Variants in PLEKHG2 observed in about 807,000 individuals in gnomAD.
PLEKHG2 encodes the protein pleckstrin homology domain-containing family G member 2.
A neutral mutation model predicts 104.4 loss-of-function variants in PLEKHG2; 71 were observed. The ratio of observed to expected loss-of-function variants is 0.68; its 90% confidence interval spans 0.56 to 0.83. PLEKHG2 has a LOEUF of 0.83. Among genes scored for constraint, PLEKHG2 ranks in the 40% least tolerant of loss-of-function variants. PLEKHG2 has a pLI of 0.00. For missense variants in PLEKHG2, 1,730 were observed against 1,809.4 expected, an observed-to-expected ratio of 0.96 and a Z score of 0.80; for synonymous variants, 728 against 737.0, an observed-to-expected ratio of 0.99 and a Z score of 0.20.
chr19:39,424,158 G>T lies in PLEKHG2; in HGVS notation c.3025G>T (p.Gly1009Ter). Residue 1009 changes from glycine to a stop codon, truncating the protein, a stop_gained, in exon 19 of 19, where the codon GGA becomes TGA. Coordinates refer to ENST00000425673, the MANE Select transcript of PLEKHG2 (RefSeq NM_022835.3). LOFTEE classifies it low-confidence loss of function (END_TRUNC). Reference sequence around the variant, plus strand: ...ATCCACCGCCTTTTGTCCTGAGCAGGGACACTGTGCGGACATCCACGTTCC... The same window carrying T: ...ATCCACCGCCTTTTGTCCTGAGCAGTGACACTGTGCGGACATCCACGTTCC... ...APSTAFCPEQ[G>*]HCADIHVPTT... is the part of the protein sequence containing the mutation. 2 of 1,614,098 alleles carry T rather than the reference G, an allele frequency of 1.2e-6. No individual in the cohort carries two copies. The highest frequency in any genetic ancestry group is 1.7e-6 in the Non-Finnish European group (2 of 1,180,022).
chr19:39,416,260 C>G lies in PLEKHG2; in HGVS notation c.480-88C>G, dbSNP rs2078600880. 2.3e-6 allele frequency: 3 copies of G among 1,327,002 alleles called. No individual in the cohort carries two copies. The South Asian group carries it at 3.7e-5, about 16-fold the overall frequency. 82.2% of individuals were successfully genotyped at this position (1,327,002 alleles called of 1,614,324 possible). On this transcript the variant is annotated intron_variant, in intron 4 of 18. Transcript: ENST00000425673. The surrounding 1 kb of genome is among the most constrained non-coding windows in gnomAD (Gnocchi z 4.5). Reference sequence around the variant, plus strand: ...GCAGTCAGCAAGCCCCCAGCCCCAGCAGACCATTGGGGCCTCAGCCTCCTG... The same window carrying G: ...GCAGTCAGCAAGCCCCCAGCCCCAGGAGACCATTGGGGCCTCAGCCTCCTG...
At chr19:39,418,705 G>A (rs765245801) in intron 9 of PLEKHG2, 29 bp from the exon 10 acceptor site, 24 of 1,586,466 alleles carry the variant, frequency 1.5e-5, no homozygotes, top group African/African-American at 2.7e-5. Flanking sequence ...CAAGGACTCT[G>A]AGCTTGCTAC....
In PLEKHG2 at chr19:39,424,723, C is replaced by T. The variant is rs866732283; in HGVS notation, c.3590C>T (p.Ser1197Leu). Reference protein sequence around the residue: ...TDTQVQKLTPSLEQKSLIDAH... With the variant: ...TDTQVQKLTPLLEQKSLIDAH... ...ACACAGGTCCAAAAACTCACACCTT[C>T]GTTGGAGCAGAAGAGCCTCATAGAT... is the stretch of plus-strand genomic sequence containing the variant. The change falls in exon 19 of 19, where the codon TCG (serine) becomes TTG (leucine). Residue 1197 changes from serine to leucine, a missense_variant. Physicochemically the swap from Ser to Leu is moderately radical, Grantham distance 145. Coordinates refer to ENST00000425673, the MANE Select transcript of PLEKHG2 (RefSeq NM_022835.3). 3 of 1,614,096 alleles carry T rather than the reference C, an allele frequency of 1.9e-6. No homozygotes were observed. Among genetic ancestry groups the T allele is most frequent in the Non-Finnish European group, 2.5e-6 (3 of 1,180,044 alleles).
In PLEKHG2 at chr19:39,422,102, TC is replaced by T; in HGVS notation, c.1504-10del. 6.3e-7 allele frequency: 1 copy of T among 1,599,442 alleles called. No homozygotes were observed. The highest frequency in any genetic ancestry group is 1.7e-5 in the Admixed American group (1 of 57,482). ...TCTTGGCTCTTGCCTTCCATTGCTT[TC>T]CCTCCTCACAGCACGCTGGCAGCGA... On this transcript the variant is annotated splice_polypyrimidine_tract_variant and intron_variant, in intron 16 of 18. Coordinates refer to ENST00000425673, the MANE Select transcript of PLEKHG2 (RefSeq NM_022835.3).
Position 39,417,992 on chromosome 19 carries a change from G to GGAGGGGGTGGCCCCCGGCTAC in PLEKHG2, c.980_1000dup (p.Gly327_Gly333dup). 3.9e-6 allele frequency: 6 copies of GGAGGGGGTGGCCCCCGGCTAC among 1,556,010 alleles called. No homozygotes were observed. Among genetic ancestry groups the GGAGGGGGTGGCCCCCGGCTAC allele is most frequent in the Non-Finnish European group, 5.2e-6 (6 of 1,152,686 alleles). ...GTTGGAGGGCGCGTTCCGAGGAGGC[G>GGAGGGGGTGGCCCCCGGCTAC]GAGGGGGTGGCCCCCGGCTACGAGG... On this transcript the variant is annotated inframe_insertion, in exon 9 of 19. Coordinates refer to ENST00000425673, the MANE Select transcript of PLEKHG2 (RefSeq NM_022835.3).
chr19:39,415,322 C>A lies in PLEKHG2; in HGVS notation c.379-17C>A, dbSNP rs1403788099. 2 of 1,612,740 alleles carry A rather than the reference C, an allele frequency of 1.2e-6. No individual in the cohort carries two copies. Among genetic ancestry groups the A allele is most frequent in the Non-Finnish European group, 1.7e-6 (2 of 1,179,228 alleles). On this transcript the variant is annotated splice_polypyrimidine_tract_variant and intron_variant, in intron 3 of 18. Transcript: ENST00000425673. The surrounding 1 kb of genome is among the most constrained non-coding windows in gnomAD (Gnocchi z 4.6). ...AGGCCAGCCCCTTGGCCCCCATAAC[C>A]CCAGTCATCCCAACAGGACTACCTG...
At position 39,422,103 on chromosome 19, in the gene PLEKHG2, C is replaced by G. The variant is rs1568396673; in HGVS notation, c.1504-12C>G. On this transcript the variant is annotated splice_polypyrimidine_tract_variant and intron_variant, in intron 16 of 18. Coordinates refer to ENST00000425673, the MANE Select transcript of PLEKHG2 (RefSeq NM_022835.3). ...CTTGGCTCTTGCCTTCCATTGCTTT[C>G]CCTCCTCACAGCACGCTGGCAGCGA... 6.3e-7 allele frequency: 1 copy of G among 1,599,806 alleles called. No individual in the cohort carries two copies. Among genetic ancestry groups the G allele is most frequent in the Admixed American group, 1.7e-5 (1 of 57,654 alleles).
chr19:39,419,023 C>T lies in PLEKHG2; in HGVS notation c.1263+20C>T, dbSNP rs561050279. On this transcript the variant is annotated intron_variant, in intron 11 of 18. Coordinates refer to ENST00000425673, the MANE Select transcript of PLEKHG2 (RefSeq NM_022835.3). Reference sequence around the variant, plus strand: ...GCCAAGGTACAGCTCCTGCCGCAGCCGGGGGCCCTCTGAGTGCTGGAGACA... The same window carrying T: ...GCCAAGGTACAGCTCCTGCCGCAGCTGGGGGCCCTCTGAGTGCTGGAGACA... 1.3e-5 allele frequency: 21 copies of T among 1,595,932 alleles called. No homozygotes were observed. Among genetic ancestry groups the T allele is most frequent in the Admixed American group, 1.0e-4 (6 of 57,342 alleles).
At position 39,413,943 on chromosome 19, in the gene PLEKHG2, T is replaced by C. The variant is rs1437463732; in HGVS notation, c.-22-122T>C. The C allele has an allele frequency of 6.6e-6, 4 of 603,894 alleles. No individual in the cohort carries two copies. The highest frequency in any genetic ancestry group is 1.2e-5 in the Non-Finnish European group (4 of 344,666). 37.4% of individuals were successfully genotyped at this position (603,894 alleles called of 1,614,324 possible). Reference sequence around the variant, plus strand: ...TGTCACTTTGTGCCTCCCCCATTAGTTACTCCCAGGGGCCCCTCCCTGGAT... The same window carrying C: ...TGTCACTTTGTGCCTCCCCCATTAGCTACTCCCAGGGGCCCCTCCCTGGAT... On this transcript the variant is annotated intron_variant, in intron 1 of 18. Coordinates refer to ENST00000425673, the MANE Select transcript of PLEKHG2 (RefSeq NM_022835.3). This position sits in a 1 kb window ranked among gnomAD's most constrained non-coding sequence, Gnocchi z 4.5.
Position 39,424,306 on chromosome 19 carries a change from A to G in PLEKHG2, c.3173A>G (p.Gln1058Arg). 1.9e-6 allele frequency: 3 copies of G among 1,614,178 alleles called. No individual in the cohort carries two copies. The South Asian group carries it at 3.3e-5, about 18-fold the overall frequency. Residue 1058 changes from glutamine to arginine, a missense_variant, in exon 19 of 19, where the codon CAA becomes CGA. Transcript: ENST00000425673. ...CCAACCAATATCCCACTGACAAAGCAAGGAGGTTCCAGGGATGTTCAGGGC... is the reference window on the plus strand; with the variant it reads ...CCAACCAATATCCCACTGACAAAGCGAGGAGGTTCCAGGGATGTTCAGGGC... ...ESPTNIPLTK[Q>R]GGSRDVQGPD...
chr19:39,415,171 T>C lies in PLEKHG2; in HGVS notation c.289T>C (p.Ser97Pro), dbSNP rs1435560142. The C allele has an allele frequency of 5.6e-6, 9 of 1,596,516 alleles. No homozygotes were observed. The highest frequency in any genetic ancestry group is 7.7e-6 in the Non-Finnish European group (9 of 1,171,036). The change falls in exon 3 of 19, where the codon TCA becomes CCA. Residue 97 changes from serine (S) to proline (P), a missense_variant. By Grantham distance (74) the Ser-to-Pro change is moderately conservative. Coordinates refer to ENST00000425673, the MANE Select transcript of PLEKHG2 (RefSeq NM_022835.3). The surrounding 1 kb of genome is among the most constrained non-coding windows in gnomAD (Gnocchi z 4.6). ...TCTCTCTCCGGTGGGGATCCCAGGT[T>C]CAGCCAGACCCTCAAGGCTGGAGCG... ...LHLSPVGIPGSARPSRLERVA... is the reference protein window; with the variant it reads ...LHLSPVGIPGPARPSRLERVA...
rs763781158 is a variant in PLEKHG2 at position 39,423,986 on chromosome 19, C to A, written c.2853C>A (p.Ala951=). ...GTTCCCGGCATGTCCAGGCTCCAGC[C>A]GCCACACCTTTGCCCAAGCAAGAAG... ...QGGSRHVQAP[A]ATPLPKQEGP... Residue 951 remains alanine, a synonymous_variant, in exon 19 of 19, where the codon GCC becomes GCA. Transcript: ENST00000425673. 1 of 1,614,030 alleles carries A rather than the reference C, an allele frequency of 6.2e-7. No homozygotes were observed.
intron 8 of PLEKHG2, 70 bp downstream of exon 8, chr19:39,417,762 G>A (rs1012479062): frequency 2.6e-5 from 40 of 1,538,904 alleles, no homozygotes; most frequent in Middle Eastern, 4.6e-4. Flanking sequence ...CGGGTGGGGG[G>A]AAATCAGTGC....
chr19:39,413,417 G>C lies in PLEKHG2; in HGVS notation c.-23+5G>C, dbSNP rs973230519. 21 of 152,270 alleles carry C rather than the reference G, an allele frequency of 1.4e-4. No homozygotes were observed. The highest frequency in any genetic ancestry group is 5.1e-4 in the African/African-American group (21 of 41,526). 9.4% of individuals were successfully genotyped at this position (152,270 alleles called of 1,614,324 possible). On this transcript the variant is annotated splice_donor_5th_base_variant and intron_variant, in intron 1 of 18. Transcript: ENST00000425673. This position sits in a 1 kb window ranked among gnomAD's most constrained non-coding sequence, Gnocchi z 4.5. Reference sequence around the variant, plus strand: ...GGGCTGGAGGCTCCCCGGGAGGTGAGGGGGGAGGCGAGGGGCCCAGGCGGA... The same window carrying C: ...GGGCTGGAGGCTCCCCGGGAGGTGACGGGGGAGGCGAGGGGCCCAGGCGGA...
intron 15 of PLEKHG2, 44 bp downstream of exon 15, chr19:39,421,157 GC>G (rs1568396039): frequency 6.2e-7 from 1 of 1,610,000 alleles, no homozygotes; most frequent in East Asian, 2.2e-5. Context: ...CCTGTCTGTC[GC>G]CCGGTGGGAT....
chr19:39,419,077 C>T, intron 11 of PLEKHG2, 74 bp downstream of exon 11: 2 of 1,326,076 alleles, frequency 1.5e-6, no homozygotes, highest in South Asian at 1.4e-5. Flanking sequence ...AAGAGACGCC[C>T]CTGCCCAATG....
chr19:39,424,960 C>A lies in PLEKHG2; in HGVS notation c.3827C>A (p.Ala1276Asp). Residue 1276 changes from alanine (A) to aspartate (D), a missense_variant, in exon 19 of 19, where the codon GCC (alanine) becomes GAC (aspartate). Ala to Asp is a moderately radical substitution (Grantham distance 126, BLOSUM62 -2). Transcript: ENST00000425673. Reference sequence around the variant, plus strand: ...CAGCTCCTGGGCCCCAATGCAGCTGCCCTCTCCAGATACCTGGCAGCCTCA... The same window carrying A: ...CAGCTCCTGGGCCCCAATGCAGCTGACCTCTCCAGATACCTGGCAGCCTCA... ...SRQLLGPNAA[A>D]LSRYLAASYI... The A allele has an allele frequency of 6.2e-7, 1 of 1,614,124 alleles. No homozygotes were observed. The highest frequency in any genetic ancestry group is 8.5e-7 in the Non-Finnish European group (1 of 1,179,970).
rs2078579637 is a variant in PLEKHG2, at chr19:39,415,043, C to T, written c.161C>T (p.Ser54Phe). ...CCCCGAGGTTCTGGGAGCTCCACAT[C>T]CCTGAGCACAGTGGGCTCTGAGGGG... ...ASPRGSGSST[S>F]LSTVGSEGDP... is the part of the protein sequence containing the mutation. The change falls in exon 3 of 19, where the codon TCC becomes TTC. Residue 54 changes from serine (S) to phenylalanine (F), a missense_variant. By Grantham distance (155) the Ser-to-Phe change is radical. Transcript: ENST00000425673. This position sits in a 1 kb window ranked among gnomAD's most constrained non-coding sequence, Gnocchi z 4.6. The T allele has an allele frequency of 6.3e-7, 1 of 1,599,322 alleles. No homozygotes were observed. The highest frequency in any genetic ancestry group is 1.3e-5 in the African/African-American group (1 of 74,530).
At position 39,424,271 on chromosome 19, in the gene PLEKHG2, C is replaced by A. The variant is rs1335398332; in HGVS notation, c.3138C>A (p.Asp1046Glu). 1 of 1,614,084 alleles carries A rather than the reference C, an allele frequency of 6.2e-7. No individual in the cohort carries two copies. The highest frequency in any genetic ancestry group is 8.5e-7 in the Non-Finnish European group (1 of 1,180,046). Reference protein sequence around the residue: ...TPVPKQEGHLDSESPTNIPLT... With the variant: ...TPVPKQEGHLESESPTNIPLT... ...TGCCCAAGCAAGAAGGTCACCTAGACAGCGAGAGCCCAACCAATATCCCAC... is the reference window on the plus strand; with the variant it reads ...TGCCCAAGCAAGAAGGTCACCTAGAAAGCGAGAGCCCAACCAATATCCCAC... The change falls in exon 19 of 19, where the codon GAC becomes GAA. Residue 1046 changes from aspartate to glutamate, a missense_variant. Physicochemically the swap from Asp to Glu is conservative, Grantham distance 45. Coordinates refer to ENST00000425673, the MANE Select transcript of PLEKHG2 (RefSeq NM_022835.3).
Sources: allele counts gnomAD v4.1 joint callset, GRCh38; gene constraint gnomAD v4.1.1; non-coding constraint Gnocchi (gnomAD v3.1); transcripts MANE v1.5; gene names NCBI Gene and HGNC (gene_info 2026-07-23, HGNC 2026-07-21).